EGFR: variants seen among roughly 807,000 people sequenced by gnomAD.
EGFR encodes avian erythroblastic leukemia viral (v-erb-b) oncogene homolog.
EGFR carries 58 observed loss-of-function variants against 143.0 expected under a neutral mutation model. The ratio of observed to expected loss-of-function variants is 0.41; its 90% CI spans 0.33 to 0.50. The LOEUF (loss-of-function observed/expected upper bound fraction) is 0.50, where lower values mean the gene tolerates loss of function less well. Ranked by LOEUF, EGFR falls within the 20% of genes least tolerant of loss-of-function variation. The probability of loss-of-function intolerance (pLI) is 0.39; values close to 1 mark genes in which losing one functional copy is unlikely to be tolerated. For missense variants in EGFR, 1,307 were observed against 1,579.0 expected, an observed-to-expected ratio of 0.83 and a Z score of 2.92; for synonymous variants, 613 against 594.4, an observed-to-expected ratio of 1.03 and a Z score of -0.45.
At chr7:55,060,622 T>G (rs898010071) in intron 1 of EGFR, among the ~76,000 whole-genome samples, 1 of 152,148 alleles carries the variant, frequency 6.6e-6, no homozygotes, top group African/African-American at 2.4e-5. Flanking sequence ...TTATTTTACC[T>G]CCCCTTCAGG....
intron 1 of EGFR, among the ~76,000 whole-genome samples, chr7:55,102,837 A>G (rs2128902493): frequency 6.6e-6 from 1 of 152,336 alleles, no homozygotes; most frequent in Non-Finnish European, 1.5e-5. Context: ...GTTGGTTGAT[A>G]TACCTAGCTA....
intron 1 of EGFR, among the ~76,000 whole-genome samples, chr7:55,109,525 T>C (rs767986282): frequency 2.6e-5 from 4 of 152,208 alleles, no homozygotes; most frequent in Non-Finnish European, 5.9e-5. Flanking sequence ...TTAGGGCAGC[T>C]CCTCTTTGCC....
In EGFR at chr7:55,181,451, G is replaced by T. The variant is rs769195278; in HGVS notation, c.2442G>T (p.Leu814=). ...AAGACAATATTGGCTCCCAGTACCT[G>T]CTCAACTGGTGTGTGCAGATCGCAA... ...EHKDNIGSQY[L]LNWCVQIAKG... Residue 814 remains leucine, a synonymous_variant, in exon 20 of 28, where the codon CTG becomes CTT. Transcript: ENST00000275493. 1 of 1,614,234 alleles carries T rather than the reference G, an allele frequency of 6.2e-7. No homozygotes were observed. Among genetic ancestry groups the T allele is most frequent in the Non-Finnish European group, 8.5e-7 (1 of 1,180,052 alleles).
At chr7:55,036,532 T>G (rs1039354338) in intron 1 of EGFR, among the ~76,000 whole-genome samples, 1 of 152,180 alleles carries the variant, frequency 6.6e-6, no homozygotes, top group Admixed American at 6.5e-5. Context: ...AAAATATATA[T>G]GGTTCACCTG....
chr7:55,023,479 C>A (rs1018874149), intron 1 of EGFR, among the ~76,000 whole-genome samples: 6 of 152,042 alleles, frequency 3.9e-5, no homozygotes, highest in African/African-American at 1.4e-4. Flanking sequence ...GAAACCCAGT[C>A]TCTACTAAAA....
At chr7:55,027,991 A>AAATATATATATAT (rs1554311534) in intron 1 of EGFR, among the ~76,000 whole-genome samples, 13 of 54,990 alleles carry the variant, frequency 2.4e-4, no homozygotes, top group South Asian at 1.7e-3. Context: ...AAAAAAAAAA[A>AAATATATATATAT]ATATATATAT....
chr7:55,108,940 T>A (rs1054360192), intron 1 of EGFR, among the ~76,000 whole-genome samples: 1 of 152,178 alleles, frequency 6.6e-6, no homozygotes, highest in Non-Finnish European at 1.5e-5. Context: ...GGAGCTTACA[T>A]CTTAGTGGGG....
intron 20 of EGFR, among the ~76,000 whole-genome samples, chr7:55,191,184 T>C (rs1787377990): frequency 6.6e-6 from 1 of 152,092 alleles, no homozygotes; most frequent in Non-Finnish European, 1.5e-5. Context: ...TCAGTATCCA[T>C]GTGGTTTCAG....
intron 1 of EGFR, chr7:55,119,205 A>G (rs1186608252): frequency 6.6e-6 from 1 of 152,184 alleles, no homozygotes; most frequent in Non-Finnish European, 1.5e-5. Flanking sequence ...TGCCCTCCTA[A>G]TGAATTGAGT....
At chr7:55,119,645 G>T (rs1793078530) in intron 1 of EGFR, among the ~76,000 whole-genome samples, 2 of 152,196 alleles carry the variant, frequency 1.3e-5, no homozygotes, top group Admixed American at 1.3e-4. Context: ...TACATCTGTG[G>T]GATTCCCCTC....
At chr7:55,038,428 T>G (rs1005802665) in intron 1 of EGFR, among the ~76,000 whole-genome samples, 1 of 152,178 alleles carries the variant, frequency 6.6e-6, no homozygotes, top group Non-Finnish European at 1.5e-5. Flanking sequence ...GTATGGTGAC[T>G]GCTGCTGGAT....
intron 1 of EGFR, among the ~76,000 whole-genome samples, chr7:55,087,682 T>C (rs1268129670): frequency 1.3e-5 from 2 of 152,184 alleles, no homozygotes; most frequent in African/African-American, 4.8e-5. Context: ...AACTTCCCGA[T>C]TGGGTTTATT....
At chr7:55,204,904 C>T (rs1239975926) in intron 27 of EGFR, among the ~76,000 whole-genome samples, 1 of 150,490 alleles carries the variant, frequency 6.6e-6, no homozygotes, top group Non-Finnish European at 1.5e-5. Context: ...ATACACCACA[C>T]ACACGGTGCA....
chr7:55,179,184 A>T (rs62457093), intron 19 of EGFR, among the ~76,000 whole-genome samples: 2 of 152,134 alleles, frequency 1.3e-5, no homozygotes, highest in African/African-American at 4.8e-5. Flanking sequence ...GGGTATTTTT[A>T]AAATCACACA....
chr7:55,044,702 C>T (rs1401953179), intron 1 of EGFR, among the ~76,000 whole-genome samples: 2 of 152,206 alleles, frequency 1.3e-5, no homozygotes, highest in African/African-American at 2.4e-5. Flanking sequence ...AGTCCAGTAA[C>T]ACTTGTTTCC....
intron 1 of EGFR, among the ~76,000 whole-genome samples, chr7:55,023,419 G>A (rs1054463627): frequency 2.0e-5 from 3 of 152,094 alleles, no homozygotes; most frequent in African/African-American, 4.8e-5. Flanking sequence ...GGAGGCCGAG[G>A]CAGGCGAATC....
intron 26 of EGFR, 93 bp downstream of exon 26, chr7:55,201,875 C>T (rs41413244): frequency 4.4e-4 from 644 of 1,467,552 alleles, no homozygotes; most frequent in Middle Eastern, 8.6e-4. Flanking sequence ...AATTTTAACC[C>T]AGATAATCTT....
chr7:55,196,257 T>G (rs1562801836), intron 22 of EGFR, among the ~76,000 whole-genome samples: 1 of 148,598 alleles, frequency 6.7e-6, no homozygotes, highest in African/African-American at 2.5e-5. Flanking sequence ...TGATTTTTAT[T>G]TCTTTAATGA....
Position 55,207,784 on chromosome 7 carries a change from C to A in EGFR, c.*2167C>A, listed in dbSNP as rs1395905998. Reference sequence around the variant, plus strand: ...CAAGTTCCCTAAAAGTTGCAGCCCCCAGGGGGATTTTGAGCTATCATCTCT... The same window carrying A: ...CAAGTTCCCTAAAAGTTGCAGCCCCAAGGGGGATTTTGAGCTATCATCTCT... On this transcript the variant is annotated 3_prime_UTR_variant, in exon 28 of 28. Coordinates refer to ENST00000275493, the MANE Select transcript of EGFR (RefSeq NM_005228.5). 1 of 152,266 alleles carries A rather than the reference C, an allele frequency of 6.6e-6. No homozygotes were observed. The highest frequency in any genetic ancestry group is 1.5e-5 in the Non-Finnish European group (1 of 68,062). 9.4% of individuals were successfully genotyped at this position (152,266 alleles called of 1,614,324 possible).
Sources: allele counts gnomAD v4.1 joint callset (sites outside exome capture counted in the v4.1 genomes callset), GRCh38; gene constraint gnomAD v4.1.1; transcripts MANE v1.5; gene names NCBI Gene and HGNC (gene_info 2026-07-23, HGNC 2026-07-21).